The following RABEP1 variants were observed in gnomAD, a reference collection of about 807,000 sequenced individuals.
RABEP1 encodes rab GTPase-binding effector protein 1.
A neutral mutation model predicts 123.4 loss-of-function variants in RABEP1; 51 were observed. That is an observed-to-expected ratio of 0.41 (90% CI 0.33 to 0.52). The LOEUF is 0.52. Among genes scored for constraint, RABEP1 ranks in the 20% least tolerant of loss-of-function variants. The pLI is 0.16. For missense variants in RABEP1, 888 were observed against 996.3 expected, an observed-to-expected ratio of 0.89 and a Z score of 1.46; for synonymous variants, 347 against 355.2, an observed-to-expected ratio of 0.98 and a Z score of 0.26.
chr17:5,334,685 T>C (rs1452127687), intron 3 of RABEP1, among the ~76,000 whole-genome samples: 1 of 152,178 alleles, frequency 6.6e-6, no homozygotes, highest in Non-Finnish European at 1.5e-5. Flanking sequence ...AAGATTATAT[T>C]AAAGAGAAAG....
chr17:5,310,272 A>G (rs1476236182), intron 2 of RABEP1, among the ~76,000 whole-genome samples: 1 of 146,542 alleles, frequency 6.8e-6, no homozygotes, highest in Non-Finnish European at 1.5e-5. Context: ...TATATTGTTG[A>G]TATTTACAAT....
intron 1 of RABEP1, 87 bp from the exon 2 acceptor site, chr17:5,308,607 G>C (rs1379609378): frequency 1.3e-5 from 14 of 1,099,864 alleles, no homozygotes; most frequent in Non-Finnish European, 1.6e-5. Flanking sequence ...TTCACGTATA[G>C]CAATGTACAG....
chr17:5,342,499 A>G (rs202246360), intron 5 of RABEP1, among the ~76,000 whole-genome samples: 5 of 152,252 alleles, frequency 3.3e-5, no homozygotes, highest in East Asian at 3.9e-4. Flanking sequence ...TTAGTCGAGC[A>G]TGGTTGCGGA....
At chr17:5,319,512 G>A (rs948027644) in intron 2 of RABEP1, among the ~76,000 whole-genome samples, 6 of 151,522 alleles carry the variant, frequency 4.0e-5, no homozygotes, top group East Asian at 2.0e-4. Flanking sequence ...GATTACAGGC[G>A]CCCGCCACCA....
At chr17:5,292,458 G>T (rs9896754) in intron 1 of RABEP1, among the ~76,000 whole-genome samples, 3,249 of 152,048 alleles carry the variant, frequency 0.021, 113 homozygotes, top group African/African-American at 0.074. Context: ...CGCGATCTTG[G>T]CTCACTGCTA....
chr17:5,344,841 C>T (rs1355260938), intron 5 of RABEP1, among the ~76,000 whole-genome samples: 1 of 148,756 alleles, frequency 6.7e-6, no homozygotes, highest in Non-Finnish European at 1.5e-5. Flanking sequence ...CCTGTAATTC[C>T]AGCTACTTGG....
chr17:5,351,724 C>T (rs962627871), intron 7 of RABEP1, among the ~76,000 whole-genome samples: 1 of 152,132 alleles, frequency 6.6e-6, no homozygotes, highest in Non-Finnish European at 1.5e-5. Flanking sequence ...ATCACTTGAT[C>T]CGGGAGGCGG....
intron 1 of RABEP1, among the ~76,000 whole-genome samples, chr17:5,282,766 G>T (rs532146970): frequency 2.2e-4 from 33 of 151,290 alleles, no homozygotes; most frequent in Non-Finnish European, 3.4e-4. Context: ...GGAAGGGCGT[G>T]GGGAGGCTGC....
At chr17:5,364,607 C>T (rs541919716) in intron 10 of RABEP1, among the ~76,000 whole-genome samples, 64 of 151,808 alleles carry the variant, frequency 4.2e-4, no homozygotes, top group African/African-American at 1.5e-3. Flanking sequence ...TGGTGCATGC[C>T]TGTAATCCCA....
At chr17:5,374,522 C>T (rs1049139775) in intron 13 of RABEP1, among the ~76,000 whole-genome samples, 8 of 151,552 alleles carry the variant, frequency 5.3e-5, no homozygotes, top group South Asian at 4.2e-4. Flanking sequence ...CTGCAACCTC[C>T]GCCTCCTGGG....
At chr17:5,366,227 T>C (rs1364278615) in intron 11 of RABEP1, among the ~76,000 whole-genome samples, 1 of 152,240 alleles carries the variant, frequency 6.6e-6, no homozygotes, top group Admixed American at 6.5e-5. Flanking sequence ...ATTTCTCTAA[T>C]GACCACTGAA....
intron 1 of RABEP1, among the ~76,000 whole-genome samples, chr17:5,294,935 C>T (rs1216143555): frequency 5.3e-5 from 8 of 151,024 alleles, no homozygotes; most frequent in Non-Finnish European, 7.4e-5. Context: ...CGTGAGCCAC[C>T]GTGCCCGGCC....
At chr17:5,324,831 A>G (rs1905813238) in intron 2 of RABEP1, among the ~76,000 whole-genome samples, 1 of 152,250 alleles carries the variant, frequency 6.6e-6, no homozygotes, top group Non-Finnish European at 1.5e-5. Flanking sequence ...AATGCAAAGC[A>G]AAACTACAAT....
At chr17:5,332,630 C>T (rs1350974292) in intron 3 of RABEP1, among the ~76,000 whole-genome samples, 3 of 127,546 alleles carry the variant, frequency 2.4e-5, no homozygotes, top group South Asian at 2.5e-4. Context: ...GATGGAATCT[C>T]GCTCTGTTGT....
In RABEP1 at chr17:5,365,168, A is replaced by G; in HGVS notation, c.1715A>G (p.Glu572Gly). The G allele has an allele frequency of 6.2e-7, 1 of 1,611,642 alleles. No individual in the cohort carries two copies. Among genetic ancestry groups the G allele is most frequent in the East Asian group, 2.2e-5 (1 of 44,732 alleles). ...CTAAGGCAAGCTAATGACCAGTTAGAGAAGACAATGAAAGATAAGCAGGAG... is the reference window on the plus strand; with the variant it reads ...CTAAGGCAAGCTAATGACCAGTTAGGGAAGACAATGAAAGATAAGCAGGAG... ...LMLRQANDQL[E>G]KTMKDKQELE... Residue 572 changes from glutamate (E) to glycine (G), a missense_variant, in exon 11 of 18, where the codon GAG (glutamate) becomes GGG (glycine). Transcript: ENST00000537505.
At chr17:5,338,460 C>G (rs76414287) in intron 5 of RABEP1, among the ~76,000 whole-genome samples, 5 of 152,038 alleles carry the variant, frequency 3.3e-5, no homozygotes, top group Non-Finnish European at 5.9e-5. Flanking sequence ...CTCCCAGCCT[C>G]GGGAGGCTGA....
At chr17:5,348,841 A>G (rs1908288889) in intron 6 of RABEP1, among the ~76,000 whole-genome samples, 6 of 152,108 alleles carry the variant, frequency 3.9e-5, no homozygotes, top group Admixed American at 2.6e-4. Context: ...GATTACAGGC[A>G]TGAGCCACTG....
intron 11 of RABEP1, among the ~76,000 whole-genome samples, chr17:5,368,059 A>G (rs1336164829): frequency 6.7e-6 from 1 of 150,316 alleles, no homozygotes; most frequent in Non-Finnish European, 1.5e-5. Flanking sequence ...ACCCAGCCTG[A>G]TTTTTTTTTT....
intron 2 of RABEP1, among the ~76,000 whole-genome samples, chr17:5,329,858 G>A (rs934747012): frequency 7.0e-6 from 1 of 143,170 alleles, no homozygotes; most frequent in Admixed American, 6.9e-5. Flanking sequence ...TAAAGTTACT[G>A]TTGACCAAGT....
Sources: gnomAD v4.1 joint callset for allele counts (sites outside exome capture counted in the v4.1 genomes callset) on GRCh38, gnomAD v4.1.1 for gene constraint, MANE v1.5 for transcripts, NCBI Gene and HGNC (gene_info 2026-07-23, HGNC 2026-07-21) for gene names.